CADPS2: variants seen among roughly 807,000 people sequenced by gnomAD.
The protein encoded by CADPS2 is calcium dependent secretion activator 2.
CADPS2 carries 93 observed loss-of-function variants against 172.5 expected under a neutral mutation model. That is an observed-to-expected ratio of 0.54 (90% confidence interval 0.46 to 0.64). The LOEUF is 0.64. Among genes scored for constraint, CADPS2 ranks in the 30% least tolerant of loss-of-function variants. CADPS2 has a pLI of 0.00. For synonymous variants in CADPS2, 546 were observed against 555.2 expected, an observed-to-expected ratio of 0.98 and a Z score of 0.23; for missense variants, 1,420 against 1,565.9, an observed-to-expected ratio of 0.91 and a Z score of 1.57.
intron 1 of CADPS2, among the ~76,000 whole-genome samples, chr7:122,855,507 T>C (rs1276624227): frequency 3.3e-5 from 5 of 152,084 alleles, no homozygotes; most frequent in Non-Finnish European, 7.4e-5. Context: ...AAAATAACAG[T>C]GGCAAATTTG....
intron 15 of CADPS2, among the ~76,000 whole-genome samples, chr7:122,442,621 T>C (rs530269983): frequency 1.9e-4 from 29 of 152,332 alleles, no homozygotes; most frequent in African/African-American, 6.7e-4. Flanking sequence ...ATATGTTAAG[T>C]TTAACTTGTT....
At chr7:122,539,233 T>A (rs2062650348) in intron 8 of CADPS2, among the ~76,000 whole-genome samples, 1 of 152,044 alleles carries the variant, frequency 6.6e-6, no homozygotes, top group African/African-American at 2.4e-5. Flanking sequence ...ATTAACACCA[T>A]TATTATGGCA....
intron 7 of CADPS2, among the ~76,000 whole-genome samples, chr7:122,559,572 C>A (rs1253914309): frequency 6.6e-6 from 1 of 151,842 alleles, no homozygotes; most frequent in Admixed American, 6.6e-5. Flanking sequence ...GAGTTTGAGA[C>A]CAGCCTGACC....
intron 3 of CADPS2, among the ~76,000 whole-genome samples, chr7:122,659,310 TAAA>T (rs34582432): frequency 7.7e-6 from 1 of 129,140 alleles, no homozygotes; most frequent in Non-Finnish European, 1.6e-5. Flanking sequence ...ATGCTAGACA[TAAA>T]AAAAAAAAAA....
intron 3 of CADPS2, among the ~76,000 whole-genome samples, chr7:122,651,819 A>G (rs2079179379): frequency 6.6e-6 from 1 of 152,170 alleles, no homozygotes; most frequent in African/African-American, 2.4e-5. Context: ...ATTTTAAGAG[A>G]CAAATATAGA....
At chr7:122,692,266 C>T (rs960635958) in intron 2 of CADPS2, among the ~76,000 whole-genome samples, 11 of 152,240 alleles carry the variant, frequency 7.2e-5, no homozygotes, top group South Asian at 6.2e-4. Flanking sequence ...TGTTCCACCA[C>T]GGTGGTGGGG....
intron 2 of CADPS2, among the ~76,000 whole-genome samples, chr7:122,721,506 G>A (rs1411801254): frequency 6.6e-6 from 1 of 152,038 alleles, no homozygotes; most frequent in Non-Finnish European, 1.5e-5. Flanking sequence ...TTGAATCTCT[G>A]AATAGACCAA....
intron 16 of CADPS2, 147 bp downstream of exon 16, chr7:122,441,365 T>C (rs887080500): frequency 3.1e-5 from 15 of 482,928 alleles, no homozygotes; most frequent in Non-Finnish European, 5.2e-5. Flanking sequence ...AGAGTCTGAA[T>C]GTAGTAAGAA....
intron 28 of CADPS2, chr7:122,331,082 T>C (rs1041586111): frequency 6.6e-6 from 1 of 152,158 alleles, no homozygotes; most frequent in African/African-American, 2.4e-5. Context: ...TGTTTTTATA[T>C]GTTGCTTCAA....
intron 8 of CADPS2, among the ~76,000 whole-genome samples, chr7:122,518,886 C>T (rs2060575917): frequency 1.3e-5 from 2 of 152,032 alleles, no homozygotes; most frequent in Admixed American, 1.3e-4. Flanking sequence ...AAGAGGAAAG[C>T]AGATTTTGTG....
chr7:122,805,626 A>G (rs1313203113), intron 1 of CADPS2, among the ~76,000 whole-genome samples: 2 of 152,180 alleles, frequency 1.3e-5, no homozygotes, highest in Non-Finnish European at 2.9e-5. Flanking sequence ...TAATTCAGAC[A>G]TGTCACATAA....
chr7:122,474,172 G>A (rs2056335930), intron 13 of CADPS2, among the ~76,000 whole-genome samples: 1 of 152,130 alleles, frequency 6.6e-6, no homozygotes, highest in Non-Finnish European at 1.5e-5. Context: ...TGGCACAGCA[G>A]TGGTCTTCAA....
At chr7:122,738,453 T>C (rs2092299320) in intron 1 of CADPS2, among the ~76,000 whole-genome samples, 1 of 151,466 alleles carries the variant, frequency 6.6e-6, no homozygotes, top group Non-Finnish European at 1.5e-5. Flanking sequence ...GTCTTGGAGA[T>C]AAAACAACAA....
At chr7:122,457,753 T>C (rs932995162) in intron 14 of CADPS2, among the ~76,000 whole-genome samples, 6 of 152,196 alleles carry the variant, frequency 3.9e-5, no homozygotes, top group African/African-American at 1.4e-4. Flanking sequence ...TTTCAATCAC[T>C]TTTATCACCT....
intron 1 of CADPS2, among the ~76,000 whole-genome samples, chr7:122,839,754 G>A (rs1809818634): frequency 6.6e-6 from 1 of 152,164 alleles, no homozygotes. Flanking sequence ...CAGTTAGAAT[G>A]GCAATCATTA....
chr7:122,436,378 G>A, intron 17 of CADPS2: 1 of 1,277,670 alleles, frequency 7.8e-7, no homozygotes, highest in Non-Finnish European at 1.0e-6. Context: ...TTTTCTGCTG[G>A]GCCTAAAACA....
chr7:122,549,933 G>A (rs1388067801), intron 8 of CADPS2, among the ~76,000 whole-genome samples: 4 of 152,138 alleles, frequency 2.6e-5, no homozygotes, highest in African/African-American at 7.2e-5. Context: ...CTACCTCGAC[G>A]CAGCTAAGAT....
chr7:122,502,763 C>T (rs931872916), intron 9 of CADPS2, among the ~76,000 whole-genome samples: 9 of 152,056 alleles, frequency 5.9e-5, no homozygotes, highest in Non-Finnish European at 1.0e-4. Flanking sequence ...TCTTCTACAT[C>T]TTAAGTTTCA....
At chr7:122,450,607 G>A (rs1048077857) in intron 15 of CADPS2, among the ~76,000 whole-genome samples, 2 of 134,032 alleles carry the variant, frequency 1.5e-5, no homozygotes, top group African/African-American at 5.6e-5. Flanking sequence ...ATAGCTCACT[G>A]CAGCCTCGAC....
Sources: gnomAD v4.1 joint callset for allele counts (sites outside exome capture counted in the v4.1 genomes callset) on GRCh38, gnomAD v4.1.1 for gene constraint, MANE v1.5 for transcripts, NCBI Gene and HGNC (gene_info 2026-07-23, HGNC 2026-07-21) for gene names.